The following NR3C2 variants were observed in gnomAD, a reference collection of about 807,000 sequenced individuals.
The protein encoded by NR3C2 is nuclear receptor subfamily 3 group C member 2, also known as mineralocorticoid receptor.
NR3C2 carries 15 observed loss-of-function variants against 86.4 expected under a neutral mutation model. The ratio of observed to expected loss-of-function variants is 0.17; its 90% CI spans 0.12 to 0.27. The LOEUF is 0.27. Among genes scored for constraint, NR3C2 ranks in the 10% least tolerant of loss-of-function variants. NR3C2 has a pLI of 1.00. For missense variants in NR3C2, 960 were observed against 1,195.6 expected (o/e 0.80, Z 2.91); for synonymous variants, 458 against 450.5 (o/e 1.02, Z -0.21).
chr4:148,290,169 C>A (rs1027669715), intron 2 of NR3C2, among the ~76,000 whole-genome samples: 1 of 152,160 alleles, frequency 6.6e-6, no homozygotes, highest in African/African-American at 2.4e-5. Context: ...TCTGTGCCCC[C>A]ACATGGTCCG....
intron 4 of NR3C2, among the ~76,000 whole-genome samples, chr4:148,160,657 G>A (rs17024437): frequency 0.11 from 16,581 of 152,050 alleles, 1,051 homozygotes; most frequent in South Asian, 0.17. Flanking sequence ...GCCATGTCTC[G>A]AAATTTTAGG....
chr4:148,133,016 T>C (rs934310068), intron 6 of NR3C2, among the ~76,000 whole-genome samples: 5 of 151,964 alleles, frequency 3.3e-5, no homozygotes, highest in African/African-American at 7.3e-5. Context: ...CTGGGCAACA[T>C]AGTAGGACTC....
chr4:148,400,527 T>G (rs1255280179), intron 2 of NR3C2, among the ~76,000 whole-genome samples: 3 of 152,050 alleles, frequency 2.0e-5, no homozygotes, highest in Non-Finnish European at 4.4e-5. Context: ...ACACCTATAA[T>G]CCCAGCACTT....
chr4:148,090,949 T>C (rs1337355119), intron 8 of NR3C2, among the ~76,000 whole-genome samples: 1 of 152,200 alleles, frequency 6.6e-6, no homozygotes, highest in Non-Finnish European at 1.5e-5. Context: ...AGCCGGGGGC[T>C]GGGCATTTGA....
At chr4:148,223,236 A>G (rs1237806998) in intron 3 of NR3C2, among the ~76,000 whole-genome samples, 1 of 151,946 alleles carries the variant, frequency 6.6e-6, no homozygotes, top group East Asian at 1.9e-4. Flanking sequence ...TCAAATCTCA[A>G]TGCATTCTTT....
chr4:148,379,969 G>A (rs1433775525), intron 2 of NR3C2, among the ~76,000 whole-genome samples: 1 of 152,074 alleles, frequency 6.6e-6, no homozygotes, highest in East Asian at 1.9e-4. Context: ...AATGATTCTT[G>A]CATTATTCAA....
chr4:148,190,798 C>T (rs1736159245), intron 4 of NR3C2, among the ~76,000 whole-genome samples: 1 of 152,218 alleles, frequency 6.6e-6, no homozygotes, highest in African/African-American at 2.4e-5. Context: ...AGCAACGCCT[C>T]TTTGCTTTTG....
intron 2 of NR3C2, among the ~76,000 whole-genome samples, chr4:148,393,161 T>C (rs1369197019): frequency 6.6e-6 from 1 of 152,228 alleles, no homozygotes. Context: ...CATCACATGC[T>C]TTCCTCACAG....
At chr4:148,269,899 A>T (rs993111892) in intron 2 of NR3C2, among the ~76,000 whole-genome samples, 4 of 152,196 alleles carry the variant, frequency 2.6e-5, no homozygotes, top group African/African-American at 4.8e-5. Context: ...TTTGAAAAAG[A>T]TTATATATGT....
At chr4:148,219,015 T>A (rs1250416107) in intron 3 of NR3C2, among the ~76,000 whole-genome samples, 1 of 152,224 alleles carries the variant, frequency 6.6e-6, no homozygotes, top group African/African-American at 2.4e-5. Context: ...AGTGTATGTT[T>A]AATATTTTAA....
intron 3 of NR3C2, among the ~76,000 whole-genome samples, chr4:148,233,184 T>G (rs1738553115): frequency 1.3e-5 from 2 of 152,188 alleles, no homozygotes; most frequent in African/African-American, 4.8e-5. Context: ...GAAGAACTTT[T>G]CCTTCTCATG....
chr4:148,082,998 A>G (rs1730649910), intron 8 of NR3C2, among the ~76,000 whole-genome samples: 1 of 152,052 alleles, frequency 6.6e-6, no homozygotes, highest in Admixed American at 6.5e-5. Flanking sequence ...CAGCTCCCCA[A>G]AACCACTGTA....
At chr4:148,090,594 C>T (rs889768640) in intron 8 of NR3C2, among the ~76,000 whole-genome samples, 6 of 152,198 alleles carry the variant, frequency 3.9e-5, no homozygotes, top group African/African-American at 1.4e-4. Flanking sequence ...TAGGCCCTCT[C>T]GGAGCCTCTG....
chr4:148,444,120 G>A, upstream of NR3C2: 1 of 985,440 alleles, frequency 1.0e-6, no homozygotes. Context: ...CAGAGCGCGG[G>A]CGGCGGGCGG....
chr4:148,427,440 C>G (rs1560729239), intron 2 of NR3C2, among the ~76,000 whole-genome samples: 2 of 151,926 alleles, frequency 1.3e-5, no homozygotes, highest in Admixed American at 6.6e-5. Flanking sequence ...AAGGGGGTGG[C>G]CAACTGTGGT....
At chr4:148,397,264 C>G (rs1324183136) in intron 2 of NR3C2, among the ~76,000 whole-genome samples, 1 of 152,242 alleles carries the variant, frequency 6.6e-6, no homozygotes, top group African/African-American at 2.4e-5. Context: ...ACCAAGGCCT[C>G]TGCCTGGGAT....
chr4:148,174,350 G>C (rs1735269836), intron 4 of NR3C2, among the ~76,000 whole-genome samples: 1 of 152,156 alleles, frequency 6.6e-6, no homozygotes, highest in African/African-American at 2.4e-5. Context: ...ACCAACAATA[G>C]CATCATCGCT....
chr4:148,111,167 A>G (rs1732029790), intron 8 of NR3C2, among the ~76,000 whole-genome samples: 2 of 152,254 alleles, frequency 1.3e-5, no homozygotes, highest in South Asian at 2.1e-4. Context: ...ATGAAAAATG[A>G]GCCAAAGAGT....
chr4:148,259,860 G>T (rs1740009237), intron 3 of NR3C2, 118 bp downstream of exon 3: 2 of 1,321,890 alleles, frequency 1.5e-6, no homozygotes, highest in African/African-American at 1.5e-5. Context: ...GTTTATCACT[G>T]ACAGATTAAA....
Sources: allele counts gnomAD v4.1 joint callset (sites outside exome capture counted in the v4.1 genomes callset), GRCh38; gene constraint gnomAD v4.1.1; transcripts MANE v1.5; gene names NCBI Gene and HGNC (gene_info 2026-07-23, HGNC 2026-07-21).